WNT9A: variants seen among roughly 807,000 people sequenced by gnomAD.
WNT9A encodes the protein protein Wnt-9a.
In WNT9A, 8 loss-of-function variants were observed where a neutral mutation model predicts 31.4. The observed-to-expected ratio is 0.26, with a 90% CI of 0.15 to 0.46. WNT9A has a LOEUF of 0.46. WNT9A is among the 20% of genes least tolerant of loss of function. The pLI is 0.99. For missense variants in WNT9A, 457 were observed against 522.9 expected (o/e 0.87, Z 1.23); for synonymous variants, 236 against 220.1 (o/e 1.07, Z -0.64).
In WNT9A at chr1:227,925,496, G is replaced by A. The variant is rs1299777853; in HGVS notation, c.119C>T (p.Thr40Ile). The A allele has an allele frequency of 6.4e-6, 10 of 1,562,222 alleles. No homozygotes were observed. The highest frequency in any genetic ancestry group is 7.8e-6 in the Non-Finnish European group (9 of 1,157,820). The change falls in exon 2 of 4, where the codon ACC becomes ATC. Residue 40 changes from threonine (T) to isoleucine (I), a missense_variant. Thr to Ile is a moderately conservative substitution (Grantham distance 89, BLOSUM62 -1). Transcript: ENST00000272164. This position sits in a 1 kb window ranked among gnomAD's most constrained non-coding sequence, Gnocchi z 6.0. ...TGGCTCCAGGGTCAGCGGGAGGATG[G>A]TCAGGGGCTCGCTGCCCGTCAGCCT... ...YFGLTGSEPLTILPLTLEPEA... is the reference protein window; with the variant it reads ...YFGLTGSEPLIILPLTLEPEA...
intron 1 of WNT9A, among the ~76,000 whole-genome samples, chr1:227,941,131 A>T (rs1029813872): frequency 6.6e-6 from 1 of 152,224 alleles, no homozygotes; most frequent in Non-Finnish European, 1.5e-5. Context: ...TCTGGCCACA[A>T]GTGTAGACAC....
At chr1:227,947,032 T>C (rs1452720405) in intron 1 of WNT9A, among the ~76,000 whole-genome samples, 1 of 152,056 alleles carries the variant, frequency 6.6e-6, no homozygotes, top group Non-Finnish European at 1.5e-5. Context: ...CGAGGGTCCC[T>C]GTAAAGGTCG....
At chr1:227,924,496 G>C in intron 2 of WNT9A, 96 bp from the exon 3 acceptor site, 3 of 1,469,682 alleles carry the variant, frequency 2.0e-6, no homozygotes, top group Non-Finnish European at 2.7e-6. Context: ...TGAATCCCAT[G>C]TTGGGGCTCA....
rs1318361846 is a variant in WNT9A at position 227,942,536 on chromosome 1, T to A, written c.95+5257A>T. 6.6e-6 allele frequency among the ~76,000 whole-genome samples: 1 copy of A among 152,086 alleles called. No individual in the cohort carries two copies. The highest frequency in any genetic ancestry group is 2.4e-5 in the African/African-American group (1 of 41,422). On this transcript the variant is annotated intron_variant, in intron 1 of 3. Coordinates refer to ENST00000272164, the MANE Select transcript of WNT9A (RefSeq NM_003395.4). The surrounding 1 kb of genome is among the most constrained non-coding windows in gnomAD (Gnocchi z 5.7). The stretch of plus-strand genomic sequence containing the variant: ...CACTGGCCCTGTCCTCTCCTCTCCA[T>A]GCTAAGAAGTCCCCAGGGAGTCCCC...
chr1:227,939,268 C>A (rs1666653171), intron 1 of WNT9A, among the ~76,000 whole-genome samples: 1 of 152,220 alleles, frequency 6.6e-6, no homozygotes, highest in African/African-American at 2.4e-5. Flanking sequence ...CCGGTCGCCT[C>A]CTTGAGCCCT....
At chr1:227,947,726 C>T (rs1666818502) in intron 1 of WNT9A, 67 bp downstream of exon 1, 6 of 979,324 alleles carry the variant, frequency 6.1e-6, no homozygotes, top group Non-Finnish European at 7.4e-6. Context: ...TCGGGGACTC[C>T]GGACGACCCC....
At position 227,925,410 on chromosome 1, in the gene WNT9A, G is replaced by T; in HGVS notation, c.205C>A (p.Arg69=). ...CCCGGGTCCCGGCGGCACATGCGCC[G>T]CTGCTTCCGCTCCAGCTTCAGCCGG... is the stretch of plus-strand genomic sequence containing the variant. ...CDRLKLERKQ[R]RMCRRDPGVA... Residue 69 remains arginine, a synonymous_variant, in exon 2 of 4, where the codon CGG becomes AGG. Coordinates refer to ENST00000272164, the MANE Select transcript of WNT9A (RefSeq NM_003395.4). The surrounding 1 kb of genome is among the most constrained non-coding windows in gnomAD (Gnocchi z 6.0). 1 of 1,606,342 alleles carries T rather than the reference G, an allele frequency of 6.2e-7. No individual in the cohort carries two copies.
Position 227,921,468 on chromosome 1 carries a change from C to T in WNT9A, c.*50G>A, listed in dbSNP as rs116334651. 40 of 1,568,986 alleles carry T rather than the reference C, an allele frequency of 2.5e-5. No homozygotes were observed. Among genetic ancestry groups the T allele is most frequent in the Non-Finnish European group, 2.9e-5 (33 of 1,155,900 alleles). On this transcript the variant is annotated 3_prime_UTR_variant, in exon 4 of 4. Coordinates refer to ENST00000272164, the MANE Select transcript of WNT9A (RefSeq NM_003395.4). ...CTGTGCAGGTGTAGACCCTTCACAC[C>T]GTGTGCAATGCCTGCACCCTGTGCA... is the stretch of plus-strand genomic sequence containing the variant.
chr1:227,921,132 A>C lies in WNT9A; in HGVS notation c.*386T>G. The stretch of plus-strand genomic sequence containing the variant: ...TTCTCACACCATGTGCAATGCCTGC[A>C]CTCTGAGCAGCAGGGCTGACTGGGC... On this transcript the variant is annotated 3_prime_UTR_variant, in exon 4 of 4. Transcript: ENST00000272164. The C allele has an allele frequency of 4.0e-6, 1 of 247,366 alleles. No homozygotes were observed. 15.3% of individuals were successfully genotyped at this position (247,366 alleles called of 1,614,324 possible). A position where few individuals can be genotyped will look rare whatever the true frequency, so the allele number is the denominator to read the frequency against.
chr1:227,932,768 G>A (rs376962151), intron 1 of WNT9A, among the ~76,000 whole-genome samples: 2 of 152,322 alleles, frequency 1.3e-5, no homozygotes, highest in African/African-American at 2.4e-5. Context: ...TTGGGTGAAC[G>A]GGACACTGCC....
chr1:227,936,981 C>T (rs527712573), intron 1 of WNT9A, among the ~76,000 whole-genome samples: 1 of 152,330 alleles, frequency 6.6e-6, no homozygotes, highest in South Asian at 2.1e-4. Context: ...ATGGCCTCCC[C>T]GTGTCACCGA....
intron 1 of WNT9A, among the ~76,000 whole-genome samples, chr1:227,939,157 C>T (rs553025510): frequency 5.0e-4 from 76 of 152,354 alleles, no homozygotes; most frequent in African/African-American, 1.7e-3. Flanking sequence ...GCTGCGGCTG[C>T]CATGCCACAG....
At position 227,932,805 on chromosome 1, in the gene WNT9A, C is replaced by A. The variant is rs1666534580; in HGVS notation, c.96-7286G>T. On this transcript the variant is annotated intron_variant, in intron 1 of 3. Transcript: ENST00000272164. ...ATGAGCAATAATACTTTGCAGGAAT[C>A]TTTTTTTCTGAGCAGTGGGTCTCCA... Among the ~76,000 whole-genome samples, 3 of 152,190 alleles carry A rather than the reference C, an allele frequency of 2.0e-5. No homozygotes were observed. In the South Asian group the frequency reaches 6.2e-4, roughly 32 times the overall value.
chr1:227,922,497 G>A (rs1056157905), intron 3 of WNT9A, among the ~76,000 whole-genome samples: 2 of 152,238 alleles, frequency 1.3e-5, no homozygotes, highest in Admixed American at 6.5e-5. Context: ...TACCGCACAT[G>A]CAGACGCGAC....
rs543038916 is a variant in WNT9A, at chr1:227,925,300, C to G, written c.315G>C (p.Thr105=). 1 of 1,581,952 alleles carries G rather than the reference C, an allele frequency of 6.3e-7. No homozygotes were observed. The highest frequency in any genetic ancestry group is 1.7e-5 in the Admixed American group (1 of 57,554). Residue 105 remains threonine, a synonymous_variant, in exon 2 of 4, where the codon ACG becomes ACC. Transcript: ENST00000272164. This position sits in a 1 kb window ranked among gnomAD's most constrained non-coding sequence, Gnocchi z 6.0. ...FQFRFERWNC[T]LEGRYRASLL... ...GGCTGGCCCGGTAGCGGCCCTCCAG[C>G]GTGCAGTTCCAGCGCTCAAAGCGGA...
At position 227,920,451 on chromosome 1, in the gene WNT9A, T is replaced by C. The variant is rs1432533024; in HGVS notation, c.*1067A>G. The C allele has an allele frequency of 6.6e-6, 1 of 152,150 alleles. No individual in the cohort carries two copies. The highest frequency in any genetic ancestry group is 1.5e-5 in the Non-Finnish European group (1 of 68,030). 9.4% of individuals were successfully genotyped at this position (152,150 alleles called of 1,614,324 possible). A position where few individuals can be genotyped will look rare whatever the true frequency, so the allele number is the denominator to read the frequency against. ...GGGATGGAGAAAATAATAATTATTA[T>C]ATTAGTTAAATAATCATAATAATTT... On this transcript the variant is annotated 3_prime_UTR_variant, in exon 4 of 4. Coordinates refer to ENST00000272164, the MANE Select transcript of WNT9A (RefSeq NM_003395.4).
At chr1:227,927,362 C>T (rs1572126824) in intron 1 of WNT9A, among the ~76,000 whole-genome samples, 1 of 152,304 alleles carries the variant, frequency 6.6e-6, no homozygotes, top group South Asian at 2.1e-4. Context: ...GCACAATGGG[C>T]CCCATGGGGA....
Position 227,921,305 on chromosome 1 carries a change from T to C in WNT9A, c.*213A>G, listed in dbSNP as rs1666307744. Reference sequence around the variant, plus strand: ...GTGCAATGCCTGCACCCCATGCAGCTAGGACTGAGCCCAGGGACTCACCCC... The same window carrying C: ...GTGCAATGCCTGCACCCCATGCAGCCAGGACTGAGCCCAGGGACTCACCCC... On this transcript the variant is annotated 3_prime_UTR_variant, in exon 4 of 4. Transcript: ENST00000272164. The C allele has an allele frequency of 1.5e-6, 1 of 679,460 alleles. No individual in the cohort carries two copies. The highest frequency in any genetic ancestry group is 2.1e-5 in the South Asian group (1 of 48,064). 42.1% of individuals were successfully genotyped at this position (679,460 alleles called of 1,614,324 possible).
intron 3 of WNT9A, 140 bp downstream of exon 3, chr1:227,923,998 C>T: frequency 8.1e-7 from 1 of 1,239,108 alleles, no homozygotes. Context: ...TGCACGGCCT[C>T]CACCCTCCTA....
Sources: allele counts gnomAD v4.1 joint callset (sites outside exome capture counted in the v4.1 genomes callset), GRCh38; gene constraint gnomAD v4.1.1; non-coding constraint Gnocchi (gnomAD v3.1); transcripts MANE v1.5; gene names NCBI Gene and HGNC (gene_info 2026-07-23, HGNC 2026-07-21).